The following CCDC91 variants were observed in gnomAD, a reference collection of about 807,000 sequenced individuals.
CCDC91 encodes the protein coiled-coil domain containing 91.
In CCDC91, 48 loss-of-function variants were observed where a neutral mutation model predicts 63.2. The ratio of observed to expected loss-of-function variants is 0.76; its 90% CI spans 0.60 to 0.97. The LOEUF is 0.97. Among genes scored for constraint, CCDC91 ranks in the 50% least tolerant of loss-of-function variants. The pLI, the probability that CCDC91 is intolerant of heterozygous loss-of-function variation, is 0.00. For missense variants in CCDC91, 500 were observed against 494.6 expected, an observed-to-expected ratio of 1.01 and a Z score of -0.10; for synonymous variants, 167 against 165.8, an observed-to-expected ratio of 1.01 and a Z score of -0.06.
chr12:28,374,601 A>G (rs1462284671), intron 7 of CCDC91, among the ~76,000 whole-genome samples: 1 of 152,164 alleles, frequency 6.6e-6, no homozygotes, highest in African/African-American at 2.4e-5. Flanking sequence ...ACCTAACACC[A>G]TTTAAATGAA....
At chr12:28,411,238 A>G (rs75748329) in intron 8 of CCDC91, among the ~76,000 whole-genome samples, 4 of 149,508 alleles carry the variant, frequency 2.7e-5, no homozygotes, top group Middle Eastern at 3.5e-3. Flanking sequence ...TTTCTTTTTG[A>G]AAAAAAAAAG....
intron 7 of CCDC91, among the ~76,000 whole-genome samples, chr12:28,368,680 G>A (rs1336538615): frequency 6.6e-6 from 1 of 152,088 alleles, no homozygotes; most frequent in African/African-American, 2.4e-5. Context: ...ATGTTAGTTT[G>A]TTTTCATACT....
chr12:28,213,811 C>T (rs980819962), intron 1 of CCDC91, among the ~76,000 whole-genome samples: 1 of 152,186 alleles, frequency 6.6e-6, no homozygotes, highest in Non-Finnish European at 1.5e-5. Flanking sequence ...AAGATGGTCT[C>T]TACTGTAGTG....
At position 28,190,528 on chromosome 12, in the gene CCDC91, G is replaced by C. The variant is rs1437238000; in HGVS notation, c.-128G>C. The C allele has an allele frequency of 2.6e-5, 4 of 153,136 alleles. No individual in the cohort carries two copies. The highest frequency in any genetic ancestry group is 5.8e-5 in the Non-Finnish European group (4 of 68,734). The allele number at this position is 153,136 out of a possible 1,614,324, so 9.5% of individuals were successfully genotyped here. A position where few individuals can be genotyped will look rare whatever the true frequency, so the allele number is the denominator to read the frequency against. ...GCTGGGCCGCGGTCTCCCCTCAAGG[G>C]CCTGGGGCCGTGCCTCGGGTGTACG... On this transcript the variant is annotated 5_prime_UTR_variant, in exon 1 of 13. Coordinates refer to ENST00000536442, the MANE Select transcript of CCDC91 (RefSeq NM_018318.5).
At chr12:28,500,955 A>G (rs1937756334) in intron 12 of CCDC91, among the ~76,000 whole-genome samples, 1 of 151,694 alleles carries the variant, frequency 6.6e-6, no homozygotes, top group Non-Finnish European at 1.5e-5. Context: ...TATATACTTC[A>G]GGTTCTTCAA....
intron 12 of CCDC91, among the ~76,000 whole-genome samples, chr12:28,531,938 A>C (rs986755057): frequency 1.3e-5 from 2 of 152,112 alleles, no homozygotes; most frequent in Non-Finnish European, 2.9e-5. Context: ...GGAGCAGGGT[A>C]ATGAATTAGT....
intron 1 of CCDC91, among the ~76,000 whole-genome samples, chr12:28,250,412 G>A (rs1372739714): frequency 1.3e-5 from 2 of 152,092 alleles, no homozygotes. Flanking sequence ...TTCACTGGTA[G>A]TAGAATTCAT....
intron 7 of CCDC91, among the ~76,000 whole-genome samples, chr12:28,385,180 G>T (rs1945525716): frequency 6.6e-6 from 1 of 152,022 alleles, no homozygotes; most frequent in African/African-American, 2.4e-5. Flanking sequence ...AATAATTTGT[G>T]ATATTTTTCC....
intron 6 of CCDC91, among the ~76,000 whole-genome samples, chr12:28,341,863 G>T (rs1038477538): frequency 3.3e-5 from 5 of 152,144 alleles, no homozygotes; most frequent in African/African-American, 9.7e-5. Flanking sequence ...GCTGCTGAAG[G>T]TTATCTAAAA....
intron 3 of CCDC91, chr12:28,304,737 T>G (rs1329399048): frequency 1.1e-6 from 1 of 926,222 alleles, no homozygotes; most frequent in African/African-American, 1.7e-5. Context: ...AAAGTTAAAA[T>G]GTATAAATGG....
intron 8 of CCDC91, among the ~76,000 whole-genome samples, chr12:28,438,819 A>C (rs943227054): frequency 2.0e-5 from 3 of 152,164 alleles, no homozygotes; most frequent in Non-Finnish European, 4.4e-5. Context: ...ACCCCATCTT[A>C]AGTTGAGGAG....
intron 6 of CCDC91, among the ~76,000 whole-genome samples, chr12:28,335,832 T>G (rs1941934701): frequency 6.6e-6 from 1 of 152,136 alleles, no homozygotes; most frequent in African/African-American, 2.4e-5. Context: ...AGAGATTATA[T>G]TAACTCTGTG....
intron 7 of CCDC91, among the ~76,000 whole-genome samples, chr12:28,373,827 T>C (rs1944774952): frequency 6.6e-6 from 1 of 152,108 alleles, no homozygotes; most frequent in African/African-American, 2.4e-5. Flanking sequence ...TCCCCCATGT[T>C]GTCCTGGTGA....
At chr12:28,386,031 T>G (rs1180251451) in intron 7 of CCDC91, among the ~76,000 whole-genome samples, 1 of 152,232 alleles carries the variant, frequency 6.6e-6, no homozygotes, top group Non-Finnish European at 1.5e-5. Context: ...TCACACTATT[T>G]ACTCACAGTT....
chr12:28,381,940 G>C (rs147633254), intron 7 of CCDC91, among the ~76,000 whole-genome samples: 1 of 152,054 alleles, frequency 6.6e-6, no homozygotes, highest in Non-Finnish European at 1.5e-5. Context: ...TCTGGGGATG[G>C]CATCTCTTCT....
chr12:28,421,283 T>G (rs912241690), intron 8 of CCDC91, among the ~76,000 whole-genome samples: 1 of 152,120 alleles, frequency 6.6e-6, no homozygotes, highest in African/African-American at 2.4e-5. Context: ...TCGTGGGGAT[T>G]TGGTATATAG....
intron 12 of CCDC91, among the ~76,000 whole-genome samples, chr12:28,503,071 A>G (rs1367548971): frequency 1.3e-5 from 2 of 152,220 alleles, no homozygotes; most frequent in African/African-American, 2.4e-5. Flanking sequence ...ACAAAAGCCA[A>G]AATTGACAGA....
At chr12:28,522,090 A>T (rs1014635734) in intron 12 of CCDC91, among the ~76,000 whole-genome samples, 1 of 152,180 alleles carries the variant, frequency 6.6e-6, no homozygotes, top group African/African-American at 2.4e-5. Context: ...GCCTCATAAA[A>T]TGAGTTAGGG....
chr12:28,267,850 TAG>T (rs1947374348), intron 3 of CCDC91, among the ~76,000 whole-genome samples: 1 of 12,600 alleles, frequency 7.9e-5, no homozygotes, highest in African/African-American at 2.1e-4. Flanking sequence ...TATAATTATA[TAG>T]TAATATATAA....
Sources: gnomAD v4.1 joint callset for allele counts (sites outside exome capture counted in the v4.1 genomes callset) on GRCh38, gnomAD v4.1.1 for gene constraint, MANE v1.5 for transcripts, NCBI Gene and HGNC (gene_info 2026-07-23, HGNC 2026-07-21) for gene names.